Variants in SMARCC1 observed in about 807,000 individuals in gnomAD.
SMARCC1 encodes SWI/SNF complex subunit SMARCC1.
A neutral mutation model predicts 147.4 loss-of-function variants in SMARCC1; 43 were observed. The observed-to-expected ratio is 0.29, with a 90% confidence interval of 0.23 to 0.38. The LOEUF is 0.38. Ranked by LOEUF, SMARCC1 falls within the 10% of genes least tolerant of loss-of-function variation. The pLI, the probability that SMARCC1 is intolerant of heterozygous loss-of-function variation, is 1.00. For synonymous variants in SMARCC1, 495 were observed against 484.4 expected (o/e 1.02, Z -0.29); for missense variants, 1,119 against 1,381.1 (o/e 0.81, Z 3.01).
chr3:47,626,153 CTT>C (rs1203421886), intron 24 of SMARCC1, among the ~76,000 whole-genome samples: 1 of 145,292 alleles, frequency 6.9e-6, no homozygotes. Flanking sequence ...AGGCCCCGTC[CTT>C]TTTTTTTTTG....
chr3:47,675,494 G>C lies in SMARCC1; in HGVS notation c.1820C>G (p.Ser607Cys). 1 of 1,597,232 alleles carries C rather than the reference G, an allele frequency of 6.3e-7. No homozygotes were observed. Among genetic ancestry groups the C allele is most frequent in the East Asian group, 2.2e-5 (1 of 44,764 alleles). The part of the protein sequence containing the change: ...QNFGLRTDIY[S>C]KKTLAKSKGA... ...AATTACCTTTGCTAATGTTTTCTTG[G>C]AGTAAATGTCAGTACGGAGACCAAA... The change falls in exon 18 of 28, where the codon TCC (serine) becomes TGC (cysteine). Residue 607 changes from serine (S) to cysteine (C), a missense_variant. By Grantham distance (112) the Ser-to-Cys change is moderately radical (BLOSUM62 -1). Coordinates refer to ENST00000254480, the MANE Select transcript of SMARCC1 (RefSeq NM_003074.4).
intron 18 of SMARCC1, among the ~76,000 whole-genome samples, chr3:47,671,208 A>C (rs1191801108): frequency 6.7e-6 from 1 of 149,428 alleles, no homozygotes; most frequent in Non-Finnish European, 1.5e-5. Flanking sequence ...ACACACACAA[A>C]AACCAAAACC....
intron 21 of SMARCC1, among the ~76,000 whole-genome samples, chr3:47,650,391 T>TA (rs1361464894): frequency 2.6e-5 from 4 of 151,660 alleles, no homozygotes; most frequent in African/African-American, 9.6e-5. Context: ...CTAGTAGGTA[T>TA]ACAAGATTTC....
At chr3:47,647,205 C>CCATG (rs1197411492) in intron 21 of SMARCC1, among the ~76,000 whole-genome samples, 4 of 152,172 alleles carry the variant, frequency 2.6e-5, no homozygotes, top group South Asian at 2.1e-4. Flanking sequence ...ACCTGACTTA[C>CCATG]AGTGATTTGA....
chr3:47,673,750 T>C (rs1470960325), intron 18 of SMARCC1, among the ~76,000 whole-genome samples: 1 of 152,238 alleles, frequency 6.6e-6, no homozygotes, highest in Non-Finnish European at 1.5e-5. Context: ...ATACACAAAT[T>C]AGTATAAAAC....
At chr3:47,635,484 T>C in intron 23 of SMARCC1, 140 bp from the exon 24 acceptor site, 1 of 760,018 alleles carries the variant, frequency 1.3e-6, no homozygotes, top group East Asian at 2.6e-5. Flanking sequence ...AAGAGTTCTG[T>C]TGAGCCATTC....
intron 1 of SMARCC1, among the ~76,000 whole-genome samples, chr3:47,780,673 A>AGTGAACTG (rs1161518419): frequency 6.6e-6 from 1 of 152,222 alleles, no homozygotes; most frequent in Non-Finnish European, 1.5e-5. Context: ...TGCAGTGAAC[A>AGTGAACTG]AAGCCCTTGC....
rs1425329133 is a variant in SMARCC1, at chr3:47,772,895, C to A, written c.237G>T (p.Gly79=). 16 of 1,613,418 alleles carry A rather than the reference C, an allele frequency of 9.9e-6. No individual in the cohort carries two copies. Among genetic ancestry groups the A allele is most frequent in the Non-Finnish European group, 1.4e-5 (16 of 1,179,570 alleles). Residue 79 remains glycine (G), a synonymous_variant, in exon 2 of 28, where the codon GGG becomes GGT. Transcript: ENST00000254480. The stretch of plus-strand genomic sequence containing the variant: ...GGAACTGAAGAAGCTGCACCACCAG[C>A]CCAGCCAGTGTTTTATTGGTAGGAG... ...ADAPTNKTLA[G]LVVQLLQFQE... is the part of the protein sequence containing the mutation.
intron 8 of SMARCC1, among the ~76,000 whole-genome samples, chr3:47,712,503 AGAG>A (rs2034098484): frequency 6.6e-6 from 1 of 152,174 alleles, no homozygotes; most frequent in Non-Finnish European, 1.5e-5. Flanking sequence ...AAAGAATGTT[AGAG>A]GAGTATGTGA....
At chr3:47,657,019 A>G (rs1014076625) in intron 21 of SMARCC1, among the ~76,000 whole-genome samples, 2 of 152,228 alleles carry the variant, frequency 1.3e-5, no homozygotes, top group Admixed American at 1.3e-4. Context: ...AAAACGTTAT[A>G]TAAGACAAAA....
chr3:47,664,266 A>T (rs1559638774), intron 19 of SMARCC1, among the ~76,000 whole-genome samples: 1 of 152,130 alleles, frequency 6.6e-6, no homozygotes, highest in Non-Finnish European at 1.5e-5. Flanking sequence ...TAAGAGCAAC[A>T]GACTAGAATG....
chr3:47,636,087 T>G lies in SMARCC1; in HGVS notation c.2426A>C (p.Asp809Ala). The G allele has an allele frequency of 6.2e-7, 1 of 1,610,398 alleles. No homozygotes were observed. Among genetic ancestry groups the G allele is most frequent in the Non-Finnish European group, 8.5e-7 (1 of 1,177,270 alleles). ...NETDEGDKAQ[D>A]GENEKNSEKE... Reference sequence around the variant, plus strand: ...TTCACTATTTTTTTCATTTTCTCCATCTTGTGCTTTATCACCTTCATCCGT... The same window carrying G: ...TTCACTATTTTTTTCATTTTCTCCAGCTTGTGCTTTATCACCTTCATCCGT... The change falls in exon 23 of 28, where the codon GAT (aspartate) becomes GCT (alanine). Residue 809 changes from aspartate to alanine, a missense_variant. Around this residue, in one of 6 missense-constraint regions of SMARCC1, gnomAD observed 157 missense variants for 158.6 expected, o/e 0.99. Transcript: ENST00000254480.
At chr3:47,681,092 T>G (rs1046221923) in intron 14 of SMARCC1, among the ~76,000 whole-genome samples, 2 of 152,182 alleles carry the variant, frequency 1.3e-5, no homozygotes, top group African/African-American at 4.8e-5. Context: ...TATTATTTTT[T>G]GGGATAATAC....
chr3:47,750,225 A>AGAG (rs2034614423), intron 2 of SMARCC1, among the ~76,000 whole-genome samples: 1 of 152,160 alleles, frequency 6.6e-6, no homozygotes, highest in Non-Finnish European at 1.5e-5. Context: ...CACAAGGTCA[A>AGAG]GAGATCCAAG....
At chr3:47,728,078 C>CTTTTTTTTTT (rs1166964500) in intron 6 of SMARCC1, among the ~76,000 whole-genome samples, 2 of 56,860 alleles carry the variant, frequency 3.5e-5, no homozygotes, top group African/African-American at 7.5e-5. Context: ...TTATTAGTCC[C>CTTTTTTTTTT]TTTTTTTTTT....
chr3:47,780,471 C>T (rs1427964894), intron 1 of SMARCC1, among the ~76,000 whole-genome samples: 1 of 152,052 alleles, frequency 6.6e-6, no homozygotes, highest in Admixed American at 6.6e-5. Context: ...GAATGTACCA[C>T]GTGTAATGCC....
At chr3:47,717,142 TTAAA>T (rs756121028) in intron 7 of SMARCC1, among the ~76,000 whole-genome samples, 6 of 152,140 alleles carry the variant, frequency 3.9e-5, no homozygotes, top group Admixed American at 6.5e-5. Context: ...CAAAATAAAC[TTAAA>T]TAGACTAATA....
Position 47,685,750 on chromosome 3 carries a change from A to G in SMARCC1, c.1385+299T>C, listed in dbSNP as rs1035468232. Among the ~76,000 whole-genome samples, 10 of 152,012 alleles carry G rather than the reference A, an allele frequency of 6.6e-5. No homozygotes were observed. In the East Asian group the frequency reaches 1.7e-3, roughly 26 times the overall value. ...CGGGAACCTGTAATCCCAGCTACTC[A>G]GGAGGCTGAAGCAAGAGAATCACTT... On this transcript the variant is annotated intron_variant, in intron 14 of 27. Coordinates refer to ENST00000254480, the MANE Select transcript of SMARCC1 (RefSeq NM_003074.4).
At chr3:47,698,505 T>C (rs1397419842) in intron 11 of SMARCC1, among the ~76,000 whole-genome samples, 1 of 152,114 alleles carries the variant, frequency 6.6e-6, no homozygotes, top group African/African-American at 2.4e-5. Flanking sequence ...CCAGAATACA[T>C]GATTTTTTAA....
Sources: allele counts gnomAD v4.1 joint callset (sites outside exome capture counted in the v4.1 genomes callset), GRCh38; gene constraint gnomAD v4.1.1; regional missense constraint gnomAD v4.1.1; transcripts MANE v1.5; gene names NCBI Gene and HGNC (gene_info 2026-07-23, HGNC 2026-07-21).